SHANK2: variants seen among roughly 807,000 people sequenced by gnomAD.
The protein encoded by SHANK2 is SH3 and multiple ankyrin repeat domains protein 2.
In SHANK2, 43 loss-of-function variants were observed where a neutral mutation model predicts 133.7. That is an observed-to-expected ratio of 0.32 (90% CI 0.25 to 0.41). The LOEUF is 0.41. Among genes scored for constraint, SHANK2 ranks in the 10% least tolerant of loss-of-function variants. The pLI is 1.00. For missense variants in SHANK2, 1,994 were observed against 2,235.8 expected (o/e 0.89, Z 2.18); for synonymous variants, 1,017 against 952.8 (o/e 1.07, Z -1.24).
intron 17 of SHANK2, among the ~76,000 whole-genome samples, chr11:70,562,210 C>A (rs1369169766): frequency 6.6e-6 from 1 of 152,170 alleles, no homozygotes; most frequent in Non-Finnish European, 1.5e-5. Flanking sequence ...GTTTTATGGA[C>A]TAAAATATGG....
intron 2 of SHANK2, among the ~76,000 whole-genome samples, chr11:71,148,197 G>A (rs1952694500): frequency 1.3e-5 from 2 of 151,516 alleles, no homozygotes; most frequent in Admixed American, 1.3e-4. Context: ...CGATTCTCCT[G>A]CCTCAGCCTC....
intron 17 of SHANK2, among the ~76,000 whole-genome samples, chr11:70,506,049 A>T (rs1229586607): frequency 1.3e-5 from 2 of 152,172 alleles, no homozygotes; most frequent in African/African-American, 2.4e-5. Context: ...TGTCAGAGAC[A>T]GACATTACTC....
At position 71,206,984 on chromosome 11, in the gene SHANK2, G is replaced by A. The variant is rs77124324; in HGVS notation, c.-13+17713C>T. Among the ~76,000 whole-genome samples the A allele has an allele frequency of 8.6e-3, 1,303 of 152,196 alleles. 21 individuals carry two copies. The highest frequency in any genetic ancestry group is 0.071 in the East Asian group (365 of 5,164). On this transcript the variant is annotated intron_variant, in intron 2 of 25. Coordinates refer to ENST00000601538, the MANE Select transcript of SHANK2 (RefSeq NM_012309.5). Reference sequence around the variant, plus strand: ...GCCTGTAGTCCCAGCTCCTCAGGAAGGCGGGGAGTGAGGATTGCTTGAGCC... The same window carrying A: ...GCCTGTAGTCCCAGCTCCTCAGGAAAGCGGGGAGTGAGGATTGCTTGAGCC...
chr11:70,697,438 G>A (rs1945420133), intron 15 of SHANK2, among the ~76,000 whole-genome samples: 1 of 152,184 alleles, frequency 6.6e-6, no homozygotes, highest in African/African-American at 2.4e-5. Flanking sequence ...CAGCACCGAG[G>A]CAGGCAGAGC....
In SHANK2 at chr11:70,923,226, G is replaced by A. The variant is rs574492337; in HGVS notation, c.1108-26659C>T. Among the ~76,000 whole-genome samples, 36 of 152,252 alleles carry A rather than the reference G, an allele frequency of 2.4e-4. No individual in the cohort carries two copies. In the South Asian group the frequency reaches 7.1e-3, roughly 30 times the overall value. ...TCCAATATGACTGCCCTGATCCTCA[G>A]CTTTCCTCTTTTTGTTTTGTTTTGC... On this transcript the variant is annotated intron_variant, in intron 10 of 25. Transcript: ENST00000601538.
rs150248007 is a variant in SHANK2 at position 70,720,347 on chromosome 11, C to G, written c.1778-21584G>C. ...ATCTCCAGAGGCTACAGAGAATGAG[C>G]CTGGGGTCTGGTGTCCACAGCCCCC... On this transcript the variant is annotated intron_variant, in intron 14 of 25. Transcript: ENST00000601538. Among the ~76,000 whole-genome samples, 741 of 152,310 alleles carry G rather than the reference C, an allele frequency of 4.9e-3. 7 individuals are homozygous for G. Among genetic ancestry groups the G allele is most frequent in the African/African-American group, 0.017 (719 of 41,566 alleles).
At chr11:71,065,363 T>C (rs1951036610) in intron 9 of SHANK2, among the ~76,000 whole-genome samples, 1 of 106,698 alleles carries the variant, frequency 9.4e-6, no homozygotes, top group African/African-American at 3.7e-5. Context: ...GGTGTGTGTG[T>C]GCAGAACTCT....
intron 25 of SHANK2, chr11:70,477,460 C>G (rs1378631138): frequency 3.3e-5 from 5 of 152,116 alleles, no homozygotes; most frequent in African/African-American, 1.2e-4. Context: ...AATGTAACCA[C>G]TTGTAAAGAA....
chr11:70,616,999 G>A (rs1322686232), intron 17 of SHANK2, among the ~76,000 whole-genome samples: 1 of 152,064 alleles, frequency 6.6e-6, no homozygotes, highest in Non-Finnish European at 1.5e-5. Flanking sequence ...GTGTGTCACT[G>A]TGTGTCACTG....
chr11:70,912,951 G>A (rs1046941811), intron 10 of SHANK2, among the ~76,000 whole-genome samples: 2 of 151,898 alleles, frequency 1.3e-5, no homozygotes, highest in Non-Finnish European at 2.9e-5. Flanking sequence ...AAGATCTCCC[G>A]GGAAAACTGT....
chr11:71,250,078 G>A (rs555792323), intron 1 of SHANK2, among the ~76,000 whole-genome samples: 7 of 152,098 alleles, frequency 4.6e-5, no homozygotes, highest in African/African-American at 1.7e-4. Context: ...TGTACTTGGA[G>A]ACAGTACACA....
At chr11:70,928,438 T>C (rs1485341480) in intron 10 of SHANK2, among the ~76,000 whole-genome samples, 1 of 152,168 alleles carries the variant, frequency 6.6e-6, no homozygotes, top group African/African-American at 2.4e-5. Context: ...GATGCATTTT[T>C]TGACATGAGA....
chr11:70,885,042 C>T (rs1449208608), intron 11 of SHANK2, among the ~76,000 whole-genome samples: 1 of 152,094 alleles, frequency 6.6e-6, no homozygotes, highest in African/African-American at 2.4e-5. Flanking sequence ...CTAAATTCCA[C>T]GTGTATGTCA....
intron 3 of SHANK2, among the ~76,000 whole-genome samples, chr11:71,120,781 G>A (rs1240063290): frequency 7.9e-5 from 12 of 152,290 alleles, no homozygotes; most frequent in South Asian, 2.1e-4. Flanking sequence ...AGGTGGGGCC[G>A]CTCACTACTC....
intron 15 of SHANK2, among the ~76,000 whole-genome samples, chr11:70,684,571 C>A (rs1484360829): frequency 3.3e-5 from 5 of 152,118 alleles, no homozygotes; most frequent in Non-Finnish European, 7.4e-5. Flanking sequence ...TAGCCCCCTA[C>A]CCCCACCCCA....
chr11:70,707,246 C>T (rs1458361985), intron 14 of SHANK2, among the ~76,000 whole-genome samples: 2 of 151,840 alleles, frequency 1.3e-5, no homozygotes, highest in Non-Finnish European at 2.9e-5. Flanking sequence ...GTGGTAGGCA[C>T]CTGTAATCTC....
intron 17 of SHANK2, among the ~76,000 whole-genome samples, chr11:70,643,567 GA>G (rs536391581): frequency 0.024 from 2,176 of 92,296 alleles, 41 homozygotes; most frequent in African/African-American, 0.055. Context: ...CTCCGTCTCG[GA>G]AAAAAAAAAA....
At chr11:70,891,632 G>C (rs1307896476) in intron 11 of SHANK2, among the ~76,000 whole-genome samples, 1 of 152,170 alleles carries the variant, frequency 6.6e-6, no homozygotes, top group Non-Finnish European at 1.5e-5. Flanking sequence ...AGCCTCCAAG[G>C]TCTCATAGTT....
At chr11:71,162,693 C>G (rs1362134146) in intron 2 of SHANK2, among the ~76,000 whole-genome samples, 1 of 152,154 alleles carries the variant, frequency 6.6e-6, no homozygotes, top group Non-Finnish European at 1.5e-5. Context: ...GCTATCTTCA[C>G]CTATCTATAG....
Sources: allele counts gnomAD v4.1 joint callset (sites outside exome capture counted in the v4.1 genomes callset), GRCh38; gene constraint gnomAD v4.1.1; transcripts MANE v1.5; gene names NCBI Gene and HGNC (gene_info 2026-07-23, HGNC 2026-07-21).